The following ZNF638 variants were observed in gnomAD, a reference collection of about 807,000 sequenced individuals.
The protein encoded by ZNF638 is CTCL tumor antigen se33-1.
In ZNF638, 46 loss-of-function variants were observed where a neutral mutation model predicts 195.6. The observed-to-expected ratio is 0.24, with a 90% CI of 0.19 to 0.30. The LOEUF is 0.30. Among genes scored for constraint, ZNF638 ranks in the 10% least tolerant of loss-of-function variants. ZNF638 has a pLI of 1.00. For synonymous variants in ZNF638, 845 were observed against 772.0 expected, an observed-to-expected ratio of 1.09 and a Z score of -1.57; for missense variants, 2,440 against 2,325.3, an observed-to-expected ratio of 1.05 and a Z score of -1.01.
chr2:71,422,833 C>G lies in ZNF638; in HGVS notation c.3319C>G (p.Pro1107Ala). ...EKESPGLKNS[P>A]IDESEVQTAT... is the part of the protein sequence containing the mutation. ...TTTTAGCCCTGGCTTGAAAAACAGT[C>G]CAATTGATGAAAGTGAGGTGCAAAC... Residue 1107 changes from proline to alanine, a missense_variant, in exon 22 of 28, where the codon CCA (proline) becomes GCA (alanine). This residue lies in a region of ZNF638 where 1,883 missense variants were observed against 1,739.1 expected (regional missense o/e 1.08). Coordinates refer to ENST00000264447, the MANE Select transcript of ZNF638 (RefSeq NM_014497.5). 1 of 1,611,946 alleles carries G rather than the reference C, an allele frequency of 6.2e-7. No homozygotes were observed. The highest frequency in any genetic ancestry group is 1.7e-5 in the Admixed American group (1 of 59,680).
chr2:71,375,280 CAAAT>C (rs1296968840), intron 8 of ZNF638: 1 of 152,196 alleles, frequency 6.6e-6, no homozygotes, highest in East Asian at 1.9e-4. Context: ...GGATTGTTAA[CAAAT>C]AAGAGGTATA....
chr2:71,335,446 CTA>C (rs2078649515), intron 1 of ZNF638, among the ~76,000 whole-genome samples: 1 of 152,032 alleles, frequency 6.6e-6, no homozygotes, highest in South Asian at 2.1e-4. Flanking sequence ...AAAAAATTTC[CTA>C]TCTTATTTCC....
At chr2:71,409,794 C>A (rs983779302) in intron 20 of ZNF638, among the ~76,000 whole-genome samples, 1 of 152,102 alleles carries the variant, frequency 6.6e-6, no homozygotes, top group African/African-American at 2.4e-5. Context: ...GGGTCATTTG[C>A]TTTGTCGACC....
intron 1 of ZNF638, among the ~76,000 whole-genome samples, chr2:71,343,453 C>T (rs1282911451): frequency 6.6e-6 from 1 of 152,146 alleles, no homozygotes; most frequent in Non-Finnish European, 1.5e-5. Context: ...AATTTGTGAC[C>T]TACTGTCATT....
intron 2 of ZNF638, among the ~76,000 whole-genome samples, chr2:71,353,846 G>A (rs928239724): frequency 6.6e-6 from 1 of 152,226 alleles, no homozygotes; most frequent in African/African-American, 2.4e-5. Context: ...GCCTGCACCA[G>A]TGTGTCTGTT....
intron 2 of ZNF638, 48 bp from the exon 3 acceptor site, chr2:71,355,671 C>T: frequency 8.1e-7 from 1 of 1,239,726 alleles, no homozygotes; most frequent in South Asian, 1.4e-5. Context: ...ATTCATTAGT[C>T]AACATGAGGA....
intron 19 of ZNF638, among the ~76,000 whole-genome samples, chr2:71,406,662 A>AAC (rs1288503446): frequency 6.6e-6 from 1 of 152,188 alleles, no homozygotes; most frequent in African/African-American, 2.4e-5. Flanking sequence ...CCAGCTATGA[A>AAC]ACACCTGAGT....
At chr2:71,367,275 A>G (rs1466909318) in intron 6 of ZNF638, among the ~76,000 whole-genome samples, 4 of 151,518 alleles carry the variant, frequency 2.6e-5, no homozygotes, top group Admixed American at 1.3e-4. Context: ...AAAAAATAAG[A>G]GAAATGGGGG....
At position 71,341,413 on chromosome 2, in the gene ZNF638, G is replaced by C. The variant is rs971286166; in HGVS notation, c.-202-7340G>C. Among the ~76,000 whole-genome samples, 13 of 152,242 alleles carry C rather than the reference G, an allele frequency of 8.5e-5. 1 individual carries two copies. The highest frequency in any genetic ancestry group is 8.5e-4 in the Admixed American group (13 of 15,290). ...AGAAAAATAAAATGTCAACTGAAAA[G>C]AGCAAATAGTATACTTCTAATTTTG... On this transcript the variant is annotated intron_variant, in intron 1 of 27. Coordinates refer to ENST00000264447, the MANE Select transcript of ZNF638 (RefSeq NM_014497.5).
chr2:71,376,653 C>T (rs980303639), intron 8 of ZNF638, among the ~76,000 whole-genome samples: 6 of 152,140 alleles, frequency 3.9e-5, no homozygotes, highest in Non-Finnish European at 8.8e-5. Context: ...CTAACTCTAG[C>T]TGTGTTTCAT....
At chr2:71,396,218 A>G (rs1446883102) in intron 11 of ZNF638, 27 bp downstream of exon 11, 1 of 1,586,856 alleles carries the variant, frequency 6.3e-7, no homozygotes, top group Non-Finnish European at 8.6e-7. Flanking sequence ...AGGATTCTAG[A>G]CTATTAGTTA....
chr2:71,404,058 G>C lies in ZNF638; in HGVS notation c.2958+60G>C, dbSNP rs2080056614. On this transcript the variant is annotated intron_variant, in intron 17 of 27. Coordinates refer to ENST00000264447, the MANE Select transcript of ZNF638 (RefSeq NM_014497.5). ...AAGTTTTTAAATCAGATTTGTTACA[G>C]TCTGTTATGTTTTCTAGTTTTCCAC... 2.0e-6 allele frequency: 3 copies of C among 1,517,032 alleles called. No individual in the cohort carries two copies. In the Admixed American group the frequency reaches 6.2e-5, roughly 31 times the overall value. The allele number at this position is 1,517,032 out of a possible 1,614,324, so 94.0% of individuals were successfully genotyped here.
intron 1 of ZNF638, among the ~76,000 whole-genome samples, chr2:71,345,541 C>G (rs2078836608): frequency 6.6e-6 from 1 of 152,108 alleles, no homozygotes; most frequent in African/African-American, 2.4e-5. Flanking sequence ...AAAAAACCAA[C>G]ATGCTTGGTT....
chr2:71,346,445 C>T (rs1444899457), intron 1 of ZNF638, among the ~76,000 whole-genome samples: 1 of 152,102 alleles, frequency 6.6e-6, no homozygotes. Context: ...GTGTCTGCAG[C>T]TTGTATCTGG....
At chr2:71,430,597 G>A (rs1048180149) in intron 25 of ZNF638, among the ~76,000 whole-genome samples, 2 of 152,292 alleles carry the variant, frequency 1.3e-5, no homozygotes, top group South Asian at 4.1e-4. Flanking sequence ...TCTTTTGATT[G>A]TGCTTTCTCC....
rs2080701899 is a variant in ZNF638 at position 71,433,178 on chromosome 2, T to C, written c.5766T>C (p.Leu1922=). 6.2e-7 allele frequency: 1 copy of C among 1,611,360 alleles called. No homozygotes were observed. Among genetic ancestry groups the C allele is most frequent in the South Asian group, 1.1e-5 (1 of 90,952 alleles). ...ASDVPEELDF[L]VPKAGFFCPI... ...CTTATCCTCTAGAATTAGACTTTCT[T>C]GTACCTAAGGCTGGATTCTTCTGTC... The change falls in exon 27 of 28, where the codon CTT becomes CTC. Residue 1922 remains leucine, a synonymous_variant. Transcript: ENST00000264447.
intron 11 of ZNF638, among the ~76,000 whole-genome samples, chr2:71,397,346 A>T (rs1201416376): frequency 2.0e-5 from 3 of 152,232 alleles, no homozygotes; most frequent in African/African-American, 7.2e-5. Context: ...GGCTCAGTTT[A>T]CTGCAGTGTG....
intron 23 of ZNF638, among the ~76,000 whole-genome samples, chr2:71,425,861 C>T (rs143493845): frequency 0.013 from 1,928 of 152,146 alleles, 38 homozygotes; most frequent in African/African-American, 0.041. Flanking sequence ...GCTGGGGTTT[C>T]ACCATGTTGG....
intron 1 of ZNF638, among the ~76,000 whole-genome samples, chr2:71,345,004 A>G (rs146485737): frequency 1.3e-5 from 2 of 152,182 alleles, no homozygotes; most frequent in East Asian, 3.8e-4. Flanking sequence ...ATCCATGGCT[A>G]TACTTTCTGC....
Sources: allele counts gnomAD v4.1 joint callset (sites outside exome capture counted in the v4.1 genomes callset), GRCh38; gene constraint gnomAD v4.1.1; regional missense constraint gnomAD v4.1.1; transcripts MANE v1.5; gene names NCBI Gene and HGNC (gene_info 2026-07-23, HGNC 2026-07-21).